The following SCN8A variants were observed in gnomAD, a reference collection of about 807,000 sequenced individuals.
SCN8A encodes the protein sodium channel protein type 8 subunit alpha.
In SCN8A, 30 loss-of-function variants were observed where a neutral mutation model predicts 184.1. The ratio of observed to expected loss-of-function variants is 0.16; its 90% CI spans 0.12 to 0.22. SCN8A has a LOEUF of 0.22. Ranked by LOEUF, SCN8A falls within the 10% of genes least tolerant of loss-of-function variation. The probability of loss-of-function intolerance (pLI) is 1.00; values close to 1 mark genes in which losing one functional copy is unlikely to be tolerated. For missense variants in SCN8A, 1,057 were observed against 2,498.9 expected (o/e 0.42, Z 12.30); for synonymous variants, 852 against 907.0 (o/e 0.94, Z 1.09).
chr12:51,707,871 C>A (rs1247908622), intron 11 of SCN8A, among the ~76,000 whole-genome samples: 1 of 151,952 alleles, frequency 6.6e-6, no homozygotes, highest in Non-Finnish European at 1.5e-5. Context: ...TTTTGTTTTC[C>A]CCTTTGGCCC....
At chr12:51,772,899 G>A (rs1592154001) in intron 19 of SCN8A, among the ~76,000 whole-genome samples, 1 of 151,870 alleles carries the variant, frequency 6.6e-6, no homozygotes, top group Non-Finnish European at 1.5e-5. Flanking sequence ...GGCGAATCAC[G>A]AGGTCAGGAG....
chr12:51,662,053 G>C (rs1446640751), intron 1 of SCN8A, among the ~76,000 whole-genome samples: 1 of 152,194 alleles, frequency 6.6e-6, no homozygotes, highest in African/African-American at 2.4e-5. Context: ...TGTTGCATCA[G>C]AGGAAGTTCT....
chr12:51,773,041 C>G (rs1217264060), intron 19 of SCN8A, among the ~76,000 whole-genome samples: 1 of 151,794 alleles, frequency 6.6e-6, no homozygotes, highest in East Asian at 1.9e-4. Context: ...GGCATGAACC[C>G]GGGAGGTGGA....
chr12:51,663,188 G>A, intron 2 of SCN8A, 95 bp downstream of exon 2: 1 of 1,409,804 alleles, frequency 7.1e-7, no homozygotes, highest in Non-Finnish European at 9.8e-7. Context: ...GCCAAAGTTT[G>A]GATAAGTAGT....
chr12:51,713,369 A>C, intron 11 of SCN8A: 1 of 1,011,956 alleles, frequency 9.9e-7, no homozygotes, highest in Non-Finnish European at 1.6e-6. Flanking sequence ...TAAGTCACAA[A>C]ACCAAAGCCC....
rs111314515 is a variant in SCN8A, at chr12:51,766,804, A to G, written c.2901+777A>G. 1.2e-3 allele frequency among the ~76,000 whole-genome samples: 182 copies of G among 152,306 alleles called. No individual in the cohort carries two copies. The Middle Eastern group carries it at 0.014, about 11-fold the overall frequency. ...GCAGAATTCTAGGCCCCAAATCAGA[A>G]CTACTGAATCAGAATCTGCATTTTT... On this transcript the variant is annotated intron_variant, in intron 16 of 26. Coordinates refer to ENST00000627620, the MANE Select transcript of SCN8A (RefSeq NM_001330260.2).
chr12:51,634,500 C>T (rs1027775937), intron 1 of SCN8A, among the ~76,000 whole-genome samples: 5 of 152,064 alleles, frequency 3.3e-5, no homozygotes, highest in African/African-American at 9.7e-5. Context: ...ATATGATCTA[C>T]AACTTTTGAA....
chr12:51,780,986 A>T (rs572856386), intron 21 of SCN8A, among the ~76,000 whole-genome samples: 1 of 152,160 alleles, frequency 6.6e-6, no homozygotes, highest in Non-Finnish European at 1.5e-5. Context: ...CCCCAACAAC[A>T]TGCCATCGCA....
intron 2 of SCN8A, among the ~76,000 whole-genome samples, chr12:51,666,844 CT>C (rs559821940): frequency 5.3e-5 from 8 of 152,180 alleles, no homozygotes; most frequent in Non-Finnish European, 8.8e-5. Flanking sequence ...TTTATTCCAG[CT>C]GGTACTGGTT....
intron 8 of SCN8A, among the ~76,000 whole-genome samples, chr12:51,702,146 AC>A (rs1369497406): frequency 1.3e-5 from 2 of 151,848 alleles, no homozygotes; most frequent in East Asian, 3.9e-4. Context: ...ACACAGTGAA[AC>A]CCCGTCTCTA....
intron 1 of SCN8A, among the ~76,000 whole-genome samples, chr12:51,649,461 A>T (rs966664262): frequency 6.6e-6 from 1 of 152,210 alleles, no homozygotes; most frequent in Admixed American, 6.5e-5. Context: ...CCCCACAGCA[A>T]ACTTCTGCCT....
At chr12:51,775,157 A>G (rs1937648393) in intron 20 of SCN8A, among the ~76,000 whole-genome samples, 1 of 152,218 alleles carries the variant, frequency 6.6e-6, no homozygotes, top group Non-Finnish European at 1.5e-5. Flanking sequence ...TAAAGAAAGG[A>G]TGAATGGGAT....
At chr12:51,716,410 A>T (rs537679938) in intron 11 of SCN8A, among the ~76,000 whole-genome samples, 1 of 152,294 alleles carries the variant, frequency 6.6e-6, no homozygotes, top group East Asian at 1.9e-4. Flanking sequence ...GTTTGGTGCT[A>T]TGGAAAGATT....
chr12:51,780,912 C>T lies in SCN8A; in HGVS notation c.3942+141C>T, dbSNP rs542659487. The stretch of plus-strand genomic sequence containing the variant: ...TGATTTGATCCTCCACTCTCTCCCC[C>T]ACACCTGCCCCGTGCAAAGGGGAAT... On this transcript the variant is annotated intron_variant, in intron 21 of 26. Coordinates refer to ENST00000627620, the MANE Select transcript of SCN8A (RefSeq NM_001330260.2). 3.8e-5 allele frequency: 41 copies of T among 1,082,146 alleles called. No individual in the cohort carries two copies. The South Asian group carries it at 1.1e-3, about 28-fold the overall frequency. 67.0% of individuals were successfully genotyped at this position (1,082,146 alleles called of 1,614,324 possible).
intron 2 of SCN8A, among the ~76,000 whole-genome samples, chr12:51,669,304 C>G (rs975803346): frequency 6.6e-6 from 1 of 152,218 alleles, no homozygotes; most frequent in African/African-American, 2.4e-5. Flanking sequence ...GGCTTTGCTT[C>G]ATGTTTGTAC....
chr12:51,728,436 A>G (rs1043664982), intron 12 of SCN8A, among the ~76,000 whole-genome samples: 2 of 152,036 alleles, frequency 1.3e-5, no homozygotes, highest in African/African-American at 4.8e-5. Flanking sequence ...TTCTGTAACA[A>G]TAGTCCCCTA....
At chr12:51,756,219 G>C (rs565625270) in intron 14 of SCN8A, among the ~76,000 whole-genome samples, 56 of 152,154 alleles carry the variant, frequency 3.7e-4, no homozygotes, top group African/African-American at 1.3e-3. Flanking sequence ...CCATCTGTCT[G>C]TGTGAACACT....
chr12:51,635,004 T>G (rs1940284841), intron 1 of SCN8A, among the ~76,000 whole-genome samples: 1 of 152,184 alleles, frequency 6.6e-6, no homozygotes, highest in African/African-American at 2.4e-5. Flanking sequence ...TAAAATCATG[T>G]GATGACAAAT....
At chr12:51,677,767 A>C (rs1941249375) in intron 2 of SCN8A, among the ~76,000 whole-genome samples, 1 of 152,236 alleles carries the variant, frequency 6.6e-6, no homozygotes, top group African/African-American at 2.4e-5. Flanking sequence ...ACTCGTTAAG[A>C]ACTGTTCTGC....
Sources: gnomAD v4.1 joint callset for allele counts (sites outside exome capture counted in the v4.1 genomes callset) on GRCh38, gnomAD v4.1.1 for gene constraint, MANE v1.5 for transcripts, NCBI Gene and HGNC (gene_info 2026-07-23, HGNC 2026-07-21) for gene names.